Variants in CDNF observed in about 807,000 individuals in gnomAD.
CDNF encodes ARMET-like protein 1.
Under a neutral mutation model 14.8 loss-of-function variants are expected in CDNF, and 9 were observed. That is an observed-to-expected ratio of 0.61 (90% CI 0.37 to 1.06). CDNF has a LOEUF of 1.06. Among genes scored for constraint, CDNF ranks in the 50% least tolerant of loss-of-function variants. The pLI, the probability that CDNF is intolerant of heterozygous loss-of-function variation, is 0.01. For synonymous variants in CDNF, 86 were observed against 87.2 expected (o/e 0.99, Z 0.07); for missense variants, 228 against 228.4 (o/e 1.00, Z 0.01).
At chr10:14,824,583 G>A (rs1174043065) in intron 3 of CDNF, among the ~76,000 whole-genome samples, 2 of 145,042 alleles carry the variant, frequency 1.4e-5, no homozygotes, top group East Asian at 2.0e-4. Context: ...TCCAGCCTGG[G>A]TGATAGAGCG....
chr10:14,832,947 A>G (rs1055272721), intron 1 of CDNF, among the ~76,000 whole-genome samples: 7 of 146,442 alleles, frequency 4.8e-5, no homozygotes, highest in African/African-American at 1.3e-4. Context: ...GCAACCTCCA[A>G]CTCCTGGATT....
chr10:14,825,513 C>A lies in CDNF; in HGVS notation c.351G>T (p.Lys117Asn). 6.2e-7 allele frequency: 1 copy of A among 1,614,150 alleles called. No individual in the cohort carries two copies. Among genetic ancestry groups the A allele is most frequent in the South Asian group, 1.1e-5 (1 of 91,084 alleles). The change falls in exon 3 of 4, where the codon AAG becomes AAT. Residue 117 changes from lysine to asparagine, a missense_variant. Physicochemically the swap from Lys to Asn is moderately conservative, Grantham distance 94. Transcript: ENST00000465530. ...MPAMKICEKL[K>N]KLDSQICELK... ...GCTCACAGATCTGGCTATCCAACTTCTTCAGCTTCTCACAAATCTTCATTG... is the reference window on the plus strand; with the variant it reads ...GCTCACAGATCTGGCTATCCAACTTATTCAGCTTCTCACAAATCTTCATTG...
At chr10:14,832,478 C>T (rs374588770) in intron 1 of CDNF, among the ~76,000 whole-genome samples, 2 of 152,078 alleles carry the variant, frequency 1.3e-5, no homozygotes, top group Admixed American at 6.6e-5. Flanking sequence ...AGTTATGGTC[C>T]GACATGATTC....
At chr10:14,826,134 AAGG>A (rs1833786971) in intron 2 of CDNF, among the ~76,000 whole-genome samples, 13 of 120,482 alleles carry the variant, frequency 1.1e-4, no homozygotes, top group Non-Finnish European at 2.1e-4. Context: ...GAAGCAGGAG[AAGG>A]AGAAGGAGAA....
In CDNF at chr10:14,837,884, C is replaced by T; in HGVS notation, c.63G>A (p.Pro21=). The T allele has an allele frequency of 6.2e-7, 1 of 1,606,878 alleles. No individual in the cohort carries two copies. The highest frequency in any genetic ancestry group is 8.5e-7 in the Non-Finnish European group (1 of 1,178,388). Reference sequence around the variant, plus strand: ...CGGCCTCCTGGCCCTGCGTCAGCACCGGGTGAGAGACCAAAAGCCCGGCGC... The same window carrying T: ...CGGCCTCCTGGCCCTGCGTCAGCACTGGGTGAGAGACCAAAAGCCCGGCGC... ...AFCAGLLVSH[P]VLTQGQEAGG... The change falls in exon 1 of 4, where the codon CCG becomes CCA. Residue 21 remains proline (P), a synonymous_variant. Coordinates refer to ENST00000465530, the MANE Select transcript of CDNF (RefSeq NM_001029954.3).
intron 1 of CDNF, among the ~76,000 whole-genome samples, chr10:14,830,031 C>T (rs986549264): frequency 6.6e-6 from 1 of 152,096 alleles, no homozygotes; most frequent in Non-Finnish European, 1.5e-5. Flanking sequence ...CGTCTCAAAA[C>T]TTATTTGTGA....
intron 1 of CDNF, among the ~76,000 whole-genome samples, chr10:14,835,049 T>C (rs1252902136): frequency 2.0e-5 from 3 of 152,120 alleles, no homozygotes; most frequent in African/African-American, 7.2e-5. Context: ...AGTTGTCCCA[T>C]GCTGTCACCG....
chr10:14,830,173 G>A (rs113689422), intron 1 of CDNF, among the ~76,000 whole-genome samples: 119 of 152,224 alleles, frequency 7.8e-4, no homozygotes, highest in African/African-American at 2.4e-3. Context: ...TTTGGGCCCC[G>A]ATGTGAATTT....
At chr10:14,824,984 T>G (rs1319751606) in intron 3 of CDNF, among the ~76,000 whole-genome samples, 1 of 151,922 alleles carries the variant, frequency 6.6e-6, no homozygotes, top group Non-Finnish European at 1.5e-5. Context: ...GACAGAGTCT[T>G]GCTCTATCAC....
rs371470748 is a variant in CDNF, at chr10:14,834,712, A to T, written c.115+3120T>A. On this transcript the variant is annotated intron_variant, in intron 1 of 3. Transcript: ENST00000465530. Reference sequence around the variant, plus strand: ...GAAACACTGCCTTGACTTTCAGAGGAGACCAAAACAATATGAGAAGTGTAT... The same window carrying T: ...GAAACACTGCCTTGACTTTCAGAGGTGACCAAAACAATATGAGAAGTGTAT... Among the ~76,000 whole-genome samples the T allele has an allele frequency of 2.6e-5, 4 of 152,312 alleles. No homozygotes were observed. In the South Asian group the frequency reaches 8.3e-4, roughly 32 times the overall value.
chr10:14,830,323 CTA>C (rs548361433), intron 1 of CDNF, among the ~76,000 whole-genome samples: 82 of 152,194 alleles, frequency 5.4e-4, no homozygotes, highest in African/African-American at 1.8e-3. Context: ...GGTTTATGTT[CTA>C]TGTTTCTTTA....
At chr10:14,820,436 T>C (rs1833728211) in intron 3 of CDNF, among the ~76,000 whole-genome samples, 1 of 151,876 alleles carries the variant, frequency 6.6e-6, no homozygotes, top group African/African-American at 2.4e-5. Context: ...AATTAAAAAA[T>C]ACAAACAGGG....
At chr10:14,823,683 A>G (rs1274118125) in intron 3 of CDNF, among the ~76,000 whole-genome samples, 1 of 152,110 alleles carries the variant, frequency 6.6e-6, no homozygotes, top group Admixed American at 6.5e-5. Context: ...GCTCAACACC[A>G]CACCTGGCTA....
At chr10:14,825,403 T>TA in intron 3 of CDNF, 76 bp downstream of exon 3, 2 of 1,437,682 alleles carry the variant, frequency 1.4e-6, no homozygotes, top group South Asian at 1.3e-5. Flanking sequence ...ACTGAATTTT[T>TA]AGAAGACATG....
chr10:14,826,161 A>AAGAAGCAGAAGCAGCAGCAGAAGC (rs1260625860), intron 2 of CDNF, among the ~76,000 whole-genome samples: 2 of 147,132 alleles, frequency 1.4e-5, no homozygotes, highest in Non-Finnish European at 3.0e-5. Context: ...GAAGAAGAAG[A>AAGAAGCAGAAGCAGCAGCAGAAGC]AGAAGCAGAA....
rs572855163 is a variant in CDNF at position 14,834,029 on chromosome 10, A to T, written c.115+3803T>A. On this transcript the variant is annotated intron_variant, in intron 1 of 3. Transcript: ENST00000465530. ...AAAGCAGAAACCTGCTGTAATGATTAATGCTACAAGTCAGCAGAAACTATC... is the reference window on the plus strand; with the variant it reads ...AAAGCAGAAACCTGCTGTAATGATTTATGCTACAAGTCAGCAGAAACTATC... 2.0e-5 allele frequency among the ~76,000 whole-genome samples: 3 copies of T among 152,338 alleles called. No homozygotes were observed. The East Asian group carries it at 5.8e-4, about 29-fold the overall frequency.
At chr10:14,824,605 C>CAAAAAA (rs572648812) in intron 3 of CDNF, among the ~76,000 whole-genome samples, 1 of 64,664 alleles carries the variant, frequency 1.5e-5, no homozygotes. Context: ...GACTTCCCCT[C>CAAAAAA]AAAAAAAAAA....
Position 14,827,045 on chromosome 10 carries a change from G to A in CDNF, c.243+1100C>T, listed in dbSNP as rs539547819. Among the ~76,000 whole-genome samples the A allele has an allele frequency of 9.1e-5, 9 of 98,402 alleles. No homozygotes were observed. The South Asian group carries it at 9.6e-4, about 10-fold the overall frequency. 64.6% of individuals were successfully genotyped at this position (98,402 alleles called of 152,430 possible). On this transcript the variant is annotated intron_variant, in intron 2 of 3. Transcript: ENST00000465530. ...AGCCTGGGCTACAAGGCCAAACCCC[G>A]TCTCTACAAAAAAAAAAAAAAAAAA...
intron 1 of CDNF, among the ~76,000 whole-genome samples, chr10:14,833,186 A>G (rs1311194202): frequency 6.6e-6 from 1 of 152,110 alleles, no homozygotes; most frequent in African/African-American, 2.4e-5. Flanking sequence ...TATGAAGTTC[A>G]AGATGCTTCT....
Sources: allele counts gnomAD v4.1 joint callset (sites outside exome capture counted in the v4.1 genomes callset), GRCh38; gene constraint gnomAD v4.1.1; transcripts MANE v1.5; gene names NCBI Gene and HGNC (gene_info 2026-07-23, HGNC 2026-07-21).